PDE10A: variants seen among roughly 807,000 people sequenced by gnomAD.
PDE10A encodes cAMP and cAMP-inhibited cGMP 3',5'-cyclic phosphodiesterase 10A.
In PDE10A, 39 loss-of-function variants were observed where a neutral mutation model predicts 97.7. That is an observed-to-expected ratio of 0.40 (90% CI 0.31 to 0.52). The LOEUF (loss-of-function observed/expected upper bound fraction) is 0.52, where lower values mean the gene tolerates loss of function less well. PDE10A is among the 20% of genes least tolerant of loss of function. The pLI, the probability that PDE10A is intolerant of heterozygous loss-of-function variation, is 0.56. For synonymous variants in PDE10A, 371 were observed against 376.8 expected (o/e 0.98, Z 0.18); for missense variants, 731 against 1,047.8 (o/e 0.70, Z 4.17).
At chr6:165,874,833 C>A (rs1781292407) in intron 1 of PDE10A, among the ~76,000 whole-genome samples, 1 of 152,062 alleles carries the variant, frequency 6.6e-6, no homozygotes, top group Non-Finnish European at 1.5e-5. Context: ...TAGCAGACAT[C>A]AAATTCCCAA....
At chr6:165,497,411 C>T (rs1008088080) in intron 2 of PDE10A, among the ~76,000 whole-genome samples, 1 of 151,970 alleles carries the variant, frequency 6.6e-6, no homozygotes, top group African/African-American at 2.4e-5. Context: ...AAAGTGCCTT[C>T]CTTATATTTT....
chr6:165,508,445 GT>G (rs912806644), intron 2 of PDE10A, among the ~76,000 whole-genome samples: 1 of 151,802 alleles, frequency 6.6e-6, no homozygotes, highest in African/African-American at 2.4e-5. Flanking sequence ...ATATACCACA[GT>G]TTATCCATTC....
chr6:165,514,550 T>C (rs1337333170), intron 2 of PDE10A, among the ~76,000 whole-genome samples: 1 of 152,206 alleles, frequency 6.6e-6, no homozygotes, highest in East Asian at 1.9e-4. Context: ...CAGTTTCCAC[T>C]GCACATGTGC....
chr6:165,817,943 A>G (rs1455144322), intron 1 of PDE10A, among the ~76,000 whole-genome samples: 2 of 152,210 alleles, frequency 1.3e-5, no homozygotes, highest in Non-Finnish European at 2.9e-5. Flanking sequence ...CTCACATCCT[A>G]GAAGTAACAT....
intron 2 of PDE10A, among the ~76,000 whole-genome samples, chr6:165,485,269 C>A (rs1483783777): frequency 6.6e-6 from 1 of 151,932 alleles, no homozygotes; most frequent in African/African-American, 2.4e-5. Context: ...CAGATCGAGA[C>A]CATCCCGGCT....
At chr6:165,541,120 C>T (rs935294318) in intron 2 of PDE10A, among the ~76,000 whole-genome samples, 2 of 152,244 alleles carry the variant, frequency 1.3e-5, no homozygotes, top group East Asian at 3.9e-4. Context: ...TCTTACTAGG[C>T]TGCACAGTGG....
At chr6:165,348,039 C>T (rs1782433841) in intron 18 of PDE10A, among the ~76,000 whole-genome samples, 1 of 152,108 alleles carries the variant, frequency 6.6e-6, no homozygotes, top group Admixed American at 6.5e-5. Flanking sequence ...CTTTCTTTGA[C>T]ATGCACGTAC....
intron 1 of PDE10A, among the ~76,000 whole-genome samples, chr6:165,721,832 A>G (rs990849002): frequency 6.6e-6 from 1 of 152,222 alleles, no homozygotes; most frequent in African/African-American, 2.4e-5. Context: ...AGTCTAATAA[A>G]AAGTATACTG....
At chr6:165,469,784 C>T (rs1778880280) in intron 3 of PDE10A, among the ~76,000 whole-genome samples, 1 of 152,182 alleles carries the variant, frequency 6.6e-6, no homozygotes, top group Non-Finnish European at 1.5e-5. Flanking sequence ...GTTCCTCTGG[C>T]TTCTAAATCC....
chr6:165,966,214 C>T (rs1315478293), intron 1 of PDE10A, among the ~76,000 whole-genome samples: 1 of 152,142 alleles, frequency 6.6e-6, no homozygotes. Context: ...AGTGGCCTCC[C>T]CACAGGGCTC....
upstream of PDE10A, among the ~76,000 whole-genome samples, chr6:165,663,418 C>T (rs1583747288): frequency 6.6e-6 from 1 of 152,208 alleles, no homozygotes; most frequent in African/African-American, 2.4e-5. Context: ...TCTGCCCTGC[C>T]TTGTCACATC....
chr6:165,601,270 C>A (rs1786934881), intron 1 of PDE10A, among the ~76,000 whole-genome samples: 1 of 152,224 alleles, frequency 6.6e-6, no homozygotes, highest in Non-Finnish European at 1.5e-5. Flanking sequence ...TCCAATTAAA[C>A]CTCTCTTTCT....
chr6:165,384,926 C>A (rs1785193327), intron 17 of PDE10A, among the ~76,000 whole-genome samples: 1 of 152,110 alleles, frequency 6.6e-6, no homozygotes, highest in Non-Finnish European at 1.5e-5. Context: ...TACGTCCTAT[C>A]TGTCTGTGTG....
chr6:165,704,281 A>C (rs1310689389), intron 1 of PDE10A, among the ~76,000 whole-genome samples: 1 of 152,114 alleles, frequency 6.6e-6, no homozygotes, highest in Non-Finnish European at 1.5e-5. Flanking sequence ...AAGAGAGAGG[A>C]GCCTGGGGAT....
chr6:165,488,350 T>C (rs576359325), intron 2 of PDE10A, among the ~76,000 whole-genome samples: 1 of 152,298 alleles, frequency 6.6e-6, no homozygotes, highest in African/African-American at 2.4e-5. Flanking sequence ...ATGGGAAAAA[T>C]AAATGCGCTA....
chr6:165,444,903 T>C (rs1790730125), intron 5 of PDE10A, among the ~76,000 whole-genome samples: 1 of 152,172 alleles, frequency 6.6e-6, no homozygotes, highest in African/African-American at 2.4e-5. Flanking sequence ...TTCTTTCTTT[T>C]TTTAACCCTT....
Position 165,328,677 on chromosome 6 carries a change from T to C in PDE10A, c.*4348A>G, listed in dbSNP as rs1280906077. 6.6e-6 allele frequency: 1 copy of C among 152,248 alleles called. No homozygotes were observed. The highest frequency in any genetic ancestry group is 1.5e-5 in the Non-Finnish European group (1 of 68,038). 9.4% of individuals were successfully genotyped at this position (152,248 alleles called of 1,614,324 possible). ...CAGCATTGCTTCTTCGGATGTTAAA[T>C]GTGTTTCTTAGGTAACATTAATGTC... is the stretch of plus-strand genomic sequence containing the variant. On this transcript the variant is annotated 3_prime_UTR_variant, in exon 22 of 22. Transcript: ENST00000539869.
chr6:165,394,093 GT>G (rs1000043026), intron 15 of PDE10A, among the ~76,000 whole-genome samples: 2 of 151,882 alleles, frequency 1.3e-5, no homozygotes, highest in African/African-American at 4.8e-5. Flanking sequence ...TATACTTTAA[GT>G]TCTGGGGTCC....
At chr6:165,811,427 C>T (rs983257332) in intron 1 of PDE10A, among the ~76,000 whole-genome samples, 5 of 152,334 alleles carry the variant, frequency 3.3e-5, no homozygotes, top group African/African-American at 1.2e-4. Context: ...AGGCCCTCGC[C>T]TGAGCTATGC....
Sources: allele counts gnomAD v4.1 joint callset (sites outside exome capture counted in the v4.1 genomes callset), GRCh38; gene constraint gnomAD v4.1.1; transcripts MANE v1.5; gene names NCBI Gene and HGNC (gene_info 2026-07-23, HGNC 2026-07-21).